The following NLGN1 variants were observed in gnomAD, a reference collection of about 807,000 sequenced individuals.
NLGN1 encodes neuroligin 1.
Under a neutral mutation model 65.5 loss-of-function variants are expected in NLGN1, and 12 were observed. The ratio of observed to expected loss-of-function variants is 0.18; its 90% CI spans 0.12 to 0.30. The LOEUF is 0.30. Ranked by LOEUF, NLGN1 falls within the 10% of genes least tolerant of loss-of-function variation. NLGN1 has a pLI of 1.00. For missense variants in NLGN1, 750 were observed against 1,007.1 expected, an observed-to-expected ratio of 0.74 and a Z score of 3.46; for synonymous variants, 350 against 359.5, an observed-to-expected ratio of 0.97 and a Z score of 0.30.
intron 2 of NLGN1, among the ~76,000 whole-genome samples, chr3:173,522,892 G>A (rs1465538373): frequency 6.6e-6 from 1 of 152,144 alleles, no homozygotes; most frequent in African/African-American, 2.4e-5. Flanking sequence ...CACTAACAGA[G>A]TATAAGTGTT....
At position 173,825,185 on chromosome 3, in the gene NLGN1, T is replaced by A. The variant is rs562709477; in HGVS notation, c.646+17353T>A. Among the ~76,000 whole-genome samples, 7 of 152,226 alleles carry A rather than the reference T, an allele frequency of 4.6e-5. No individual in the cohort carries two copies. In the East Asian group the frequency reaches 9.6e-4, roughly 21 times the overall value. On this transcript the variant is annotated intron_variant, in intron 4 of 6. Transcript: ENST00000457714. Reference sequence around the variant, plus strand: ...TATAAGAATTCAGGTTATGCTTTTTTAAATTTTTGGCTATGACACTCTGCT... The same window carrying A: ...TATAAGAATTCAGGTTATGCTTTTTAAAATTTTTGGCTATGACACTCTGCT...
At chr3:174,241,686 T>C (rs1010257519) in intron 4 of NLGN1, among the ~76,000 whole-genome samples, 100 of 151,700 alleles carry the variant, frequency 6.6e-4, no homozygotes, top group African/African-American at 2.2e-3. Context: ...CGGAGTCTCG[T>C]TCTGTCCCCC....
At chr3:173,998,403 G>A (rs530251642) in intron 4 of NLGN1, among the ~76,000 whole-genome samples, 15 of 152,266 alleles carry the variant, frequency 9.9e-5, no homozygotes, top group African/African-American at 3.6e-4. Context: ...AGTAGAGGAG[G>A]TAATTCGTAA....
At chr3:174,059,053 G>A (rs138025978) in intron 4 of NLGN1, among the ~76,000 whole-genome samples, 40 of 152,216 alleles carry the variant, frequency 2.6e-4, no homozygotes, top group African/African-American at 7.0e-4. Context: ...ACAGTTTCCC[G>A]TTGCTGTTTA....
intron 4 of NLGN1, among the ~76,000 whole-genome samples, chr3:173,816,380 T>A (rs1210557246): frequency 2.0e-5 from 3 of 152,204 alleles, no homozygotes; most frequent in Non-Finnish European, 2.9e-5. Context: ...GTATTTACAG[T>A]CACACAGGCT....
At chr3:174,242,497 G>T (rs964626596) in intron 4 of NLGN1, among the ~76,000 whole-genome samples, 55 of 152,090 alleles carry the variant, frequency 3.6e-4, no homozygotes, top group African/African-American at 1.3e-3. Context: ...TCACATTACT[G>T]CCTGCGCTCC....
intron 2 of NLGN1, among the ~76,000 whole-genome samples, chr3:173,531,022 T>G (rs1736478195): frequency 6.6e-6 from 1 of 152,162 alleles, no homozygotes; most frequent in Non-Finnish European, 1.5e-5. Context: ...CACTTTCATT[T>G]TTGCTAGTGT....
At chr3:174,253,477 A>G (rs1044711696) in intron 4 of NLGN1, among the ~76,000 whole-genome samples, 2 of 152,118 alleles carry the variant, frequency 1.3e-5, no homozygotes, top group Non-Finnish European at 2.9e-5. Flanking sequence ...CCTCATGTAT[A>G]TTAATACAGA....
intron 4 of NLGN1, among the ~76,000 whole-genome samples, chr3:173,822,850 C>T (rs1720585990): frequency 6.6e-6 from 1 of 151,832 alleles, no homozygotes; most frequent in South Asian, 2.1e-4. Flanking sequence ...TTCTCTTATT[C>T]TCTTAAAAAA....
chr3:173,774,415 C>T (rs1780008977), intron 3 of NLGN1, among the ~76,000 whole-genome samples: 1 of 152,202 alleles, frequency 6.6e-6, no homozygotes, highest in Non-Finnish European at 1.5e-5. Flanking sequence ...CCCAGTCATC[C>T]TATCTTTTCC....
intron 1 of NLGN1, among the ~76,000 whole-genome samples, chr3:173,431,632 C>T (rs1349981195): frequency 6.6e-6 from 1 of 151,772 alleles, no homozygotes; most frequent in Non-Finnish European, 1.5e-5. Flanking sequence ...CCATATATGC[C>T]CTGCCCTCAT....
At chr3:173,600,080 T>C (rs1009279301) in intron 2 of NLGN1, among the ~76,000 whole-genome samples, 3 of 152,098 alleles carry the variant, frequency 2.0e-5, no homozygotes, top group African/African-American at 7.2e-5. Flanking sequence ...TCAGTTTTTC[T>C]TTCATAAAAT....
rs556023345 is a variant in NLGN1 at position 173,630,000 on chromosome 3, A to T, written c.493+24909A>T. On this transcript the variant is annotated intron_variant, in intron 3 of 6. Transcript: ENST00000457714. The stretch of plus-strand genomic sequence containing the variant: ...GTTAAAGAGGACAAGGGGTTATTTG[A>T]GAAGTATTTTCTATTTTACAGACAA... Among the ~76,000 whole-genome samples the T allele has an allele frequency of 2.0e-5, 3 of 152,328 alleles. No homozygotes were observed. The South Asian group carries it at 6.2e-4, about 32-fold the overall frequency.
rs142077172 is a variant in NLGN1 at position 173,865,637 on chromosome 3, G to T, written c.646+57805G>T. On this transcript the variant is annotated intron_variant, in intron 4 of 6. Transcript: ENST00000457714. ...CCCAGCTGGGAAGCAGAGAAACTGA[G>T]GTTTAAATCCAGGTAGCTTGATTCC... is the stretch of plus-strand genomic sequence containing the variant. Among the ~76,000 whole-genome samples, 138 of 152,204 alleles carry T rather than the reference G, an allele frequency of 9.1e-4. 2 individuals carry two copies. The East Asian group carries it at 0.024, about 26-fold the overall frequency.
intron 3 of NLGN1, chr3:173,800,385 A>T: frequency 1.1e-6 from 1 of 895,184 alleles, no homozygotes; most frequent in Non-Finnish European, 1.5e-6. Flanking sequence ...TTTGCATGAC[A>T]AGGGCCTCAA....
intron 3 of NLGN1, among the ~76,000 whole-genome samples, chr3:173,765,602 A>C (rs935685592): frequency 6.6e-6 from 1 of 151,986 alleles, no homozygotes; most frequent in African/African-American, 2.4e-5. Context: ...AATGTTATAC[A>C]CTCTCTTAAA....
intron 2 of NLGN1, among the ~76,000 whole-genome samples, chr3:173,533,000 A>G (rs554944723): frequency 6.6e-6 from 1 of 152,322 alleles, no homozygotes; most frequent in East Asian, 1.9e-4. Context: ...CAGCTGATTA[A>G]TTTTGCATGC....
In NLGN1 at chr3:174,121,229, C is replaced by T. The variant is rs145083055; in HGVS notation, c.647-154086C>T. Among the ~76,000 whole-genome samples the T allele has an allele frequency of 4.6e-3, 708 of 152,306 alleles. 2 individuals are homozygous for T. Among genetic ancestry groups the T allele is most frequent in the Middle Eastern group, 0.01 (3 of 294 alleles). On this transcript the variant is annotated intron_variant, in intron 4 of 6. Coordinates refer to ENST00000457714, the Ensembl canonical transcript of NLGN1. ...TAACTAGTGACAGCATTTGAAAGAA[C>T]AAAAGCAGCAAGTTCTGTCTGAGAG...
intron 2 of NLGN1, among the ~76,000 whole-genome samples, chr3:173,526,513 A>C (rs112042223): frequency 0.029 from 4,381 of 152,144 alleles, 200 homozygotes; most frequent in African/African-American, 0.096. Flanking sequence ...GTTTCATGAG[A>C]TATTTTGATA....
Sources: gnomAD v4.1 joint callset for allele counts (sites outside exome capture counted in the v4.1 genomes callset) on GRCh38, gnomAD v4.1.1 for gene constraint, MANE v1.5 for transcripts, NCBI Gene and HGNC (gene_info 2026-07-23, HGNC 2026-07-21) for gene names.